The following OOSP4B variants were observed in gnomAD, a reference collection of about 807,000 sequenced individuals.
OOSP4B encodes the protein oocyte secreted protein family member 4B, also known as oocyte-secreted protein 4B.
At chr11:60,025,399 T>C (rs1468476465) in intron 3 of OOSP4B, among the ~76,000 whole-genome samples, 1 of 152,248 alleles carries the variant, frequency 6.6e-6, no homozygotes, top group Non-Finnish European at 1.5e-5. Context: ...AACTGAGCTT[T>C]ATGTTTAACA....
intron 1 of OOSP4B, chr11:60,022,356 T>G (rs1263549880): frequency 2.0e-5 from 3 of 152,206 alleles, no homozygotes; most frequent in Admixed American, 1.3e-4. Flanking sequence ...ACCCTAAACT[T>G]CACTTCTGCA....
At chr11:60,020,350 A>G (rs1854677354) in intron 1 of OOSP4B, among the ~76,000 whole-genome samples, 1 of 152,124 alleles carries the variant, frequency 6.6e-6, no homozygotes, top group Non-Finnish European at 1.5e-5. Context: ...GCAGGAGCCC[A>G]CGGTGGGGGA....
chr11:60,017,713 A>AT (rs1218524771), intron 1 of OOSP4B, among the ~76,000 whole-genome samples: 6 of 152,214 alleles, frequency 3.9e-5, no homozygotes, highest in Non-Finnish European at 2.9e-5. Flanking sequence ...TTATGCCATT[A>AT]TCCCTCTTCT....
At chr11:60,031,076 A>C (rs1854803907) in exon 5 of OOSP4B, 2 of 357,880 alleles carry the variant, frequency 5.6e-6, no homozygotes, top group Non-Finnish European at 1.0e-5. Flanking sequence ...CTCATACATA[A>C]TAAAGCTTGC....
At chr11:60,021,224 G>A (rs953307359) in intron 1 of OOSP4B, among the ~76,000 whole-genome samples, 12 of 152,116 alleles carry the variant, frequency 7.9e-5, no homozygotes, top group African/African-American at 2.4e-4. Flanking sequence ...AATGCAAACC[G>A]AGTCAATAGG....
chr11:60,021,976 T>C, intron 1 of OOSP4B: 1 of 115,758 alleles, frequency 8.6e-6, no homozygotes, highest in African/African-American at 3.5e-5. Context: ...AAAGCAAGAC[T>C]CTATCTCCAA....
At chr11:60,020,186 T>C (rs901792552) in intron 1 of OOSP4B, among the ~76,000 whole-genome samples, 2 of 152,216 alleles carry the variant, frequency 1.3e-5, no homozygotes, top group Non-Finnish European at 2.9e-5. Flanking sequence ...AGGAGCCCAG[T>C]TGGCTTCACC....
At chr11:60,030,391 C>T (rs1289592970) in intron 4 of OOSP4B, among the ~76,000 whole-genome samples, 1 of 152,178 alleles carries the variant, frequency 6.6e-6, no homozygotes, top group Admixed American at 6.5e-5. Flanking sequence ...GTAGAAAACA[C>T]TCTTTTTAAT....
chr11:60,022,745 T>G (rs77582191), intron 1 of OOSP4B, among the ~76,000 whole-genome samples: 4 of 150,198 alleles, frequency 2.7e-5, no homozygotes, highest in African/African-American at 9.7e-5. Context: ...AAGATGTGGT[T>G]TTTTTTTTTT....
rs183362804 is a variant in OOSP4B at position 60,019,943 on chromosome 11, T to G, written c.22+2530T>G. Among the ~76,000 whole-genome samples the G allele has an allele frequency of 3.4e-3, 516 of 152,156 alleles. 1 individual carries two copies. Among genetic ancestry groups the G allele is most frequent in the African/African-American group, 0.012 (481 of 41,516 alleles). On this transcript the variant is annotated intron_variant, in intron 1 of 4. Coordinates refer to ENST00000642343, the Ensembl canonical transcript of OOSP4B. ...ACAATCCCTGAGCTAGACACAAAAG[T>G]TCTCCACATGCCCACTAGATTAGCT...
chr11:60,024,248 G>T (rs907316342), intron 2 of OOSP4B, among the ~76,000 whole-genome samples, 187 bp downstream of exon 2: 1 of 152,066 alleles, frequency 6.6e-6, no homozygotes, highest in African/African-American at 2.4e-5. Flanking sequence ...ACTTTAAAAA[G>T]GTCATAAGGG....
In OOSP4B at chr11:60,024,554, G is replaced by T. The variant is rs61903624; in HGVS notation, c.205-354G>T. Among the ~76,000 whole-genome samples, 8 of 152,162 alleles carry T rather than the reference G, an allele frequency of 5.3e-5. No homozygotes were observed. In the East Asian group the frequency reaches 1.4e-3, roughly 26 times the overall value. ...ACTCTGTCTCAAAGTCATAAGGTAC[G>T]GTCTGTGCCTTCTCAGTTTTACTAC... On this transcript the variant is annotated intron_variant, in intron 2 of 4. Coordinates refer to ENST00000642343, the Ensembl canonical transcript of OOSP4B.
At chr11:60,018,454 G>A (rs1854648171) in intron 1 of OOSP4B, among the ~76,000 whole-genome samples, 1 of 152,170 alleles carries the variant, frequency 6.6e-6, no homozygotes, top group South Asian at 2.1e-4. Context: ...TAATCTCAGT[G>A]AGGCTGAGTT....
chr11:60,018,887 T>C (rs1353299041), intron 1 of OOSP4B, among the ~76,000 whole-genome samples: 1 of 152,162 alleles, frequency 6.6e-6, no homozygotes, highest in Non-Finnish European at 1.5e-5. Context: ...ATTAGACGAA[T>C]CTAGGGAAAC....
rs115201280 is a variant in OOSP4B, at chr11:60,018,576, C to T, written c.22+1163C>T. 1.7e-3 allele frequency among the ~76,000 whole-genome samples: 256 copies of T among 152,324 alleles called. 2 individuals are homozygous for T. Among genetic ancestry groups the T allele is most frequent in the African/African-American group, 5.7e-3 (237 of 41,586 alleles). ...CCAGACCTGAAACCAGCTGAAACCA[C>T]TGCTGCGTTTCACATAATCTTGATT... On this transcript the variant is annotated intron_variant, in intron 1 of 4. Coordinates refer to ENST00000642343, the Ensembl canonical transcript of OOSP4B.
At chr11:60,021,913 G>A (rs1476566204) in intron 1 of OOSP4B, among the ~76,000 whole-genome samples, 1 of 151,322 alleles carries the variant, frequency 6.6e-6, no homozygotes, top group Non-Finnish European at 1.5e-5. Flanking sequence ...GAACCCAGGA[G>A]GTGGAGGTTG....
intron 1 of OOSP4B, among the ~76,000 whole-genome samples, chr11:60,019,806 T>G (rs1854669197): frequency 6.6e-6 from 1 of 152,202 alleles, no homozygotes; most frequent in Non-Finnish European, 1.5e-5. Flanking sequence ...CCAGTGCTGG[T>G]TCAGGCAGCC....
At chr11:60,028,429 G>A (rs1170733401) in intron 3 of OOSP4B, among the ~76,000 whole-genome samples, 2 of 152,224 alleles carry the variant, frequency 1.3e-5, no homozygotes, top group East Asian at 1.9e-4. Flanking sequence ...GCCTCCCAAA[G>A]TGGTAGGATT....
At chr11:60,027,714 C>T (rs540680948) in intron 3 of OOSP4B, among the ~76,000 whole-genome samples, 1 of 135,994 alleles carries the variant, frequency 7.4e-6, no homozygotes, top group Non-Finnish European at 1.5e-5. Context: ...CCAAGGCAGG[C>T]AGATCACTTG....
Sources: gnomAD v4.1 joint callset for allele counts (sites outside exome capture counted in the v4.1 genomes callset) on GRCh38, gnomAD v4.1.1 for gene constraint, MANE v1.5 for transcripts, NCBI Gene and HGNC (gene_info 2026-07-23, HGNC 2026-07-21) for gene names.